Variants in DYNLL2 observed in about 807,000 individuals in gnomAD.
DYNLL2 encodes the protein dynein light chain 2, cytoplasmic.
Under a neutral mutation model 9.7 loss-of-function variants are expected in DYNLL2, and 1 was observed. That is an observed-to-expected ratio of 0.10 (90% CI 0.04 to 0.49). The LOEUF is 0.49. Among genes scored for constraint, DYNLL2 ranks in the 20% least tolerant of loss-of-function variants. The probability of loss-of-function intolerance (pLI) is 0.95; values close to 1 mark genes in which losing one functional copy is unlikely to be tolerated. For missense variants in DYNLL2, 37 were observed against 115.2 expected, an observed-to-expected ratio of 0.32 and a Z score of 3.11; for synonymous variants, 35 against 40.5, an observed-to-expected ratio of 0.86 and a Z score of 0.52.
At chr17:58,087,554 C>T (rs1321096715) in intron 2 of DYNLL2, among the ~76,000 whole-genome samples, 3 of 152,026 alleles carry the variant, frequency 2.0e-5, no homozygotes, top group African/African-American at 7.3e-5. Flanking sequence ...CAGAACTATT[C>T]AAAATTAAAA....
At chr17:58,084,546 A>C (rs1190392094) in intron 1 of DYNLL2, among the ~76,000 whole-genome samples, 1 of 152,116 alleles carries the variant, frequency 6.6e-6, no homozygotes, top group Non-Finnish European at 1.5e-5. Flanking sequence ...GGGAGGGGCT[A>C]GGCTGGACAC....
chr17:58,087,928 C>T (rs1209125712), intron 2 of DYNLL2, among the ~76,000 whole-genome samples: 1 of 152,140 alleles, frequency 6.6e-6, no homozygotes, highest in Non-Finnish European at 1.5e-5. Context: ...AGGCATAGTC[C>T]CAGCATTTGA....
intron 1 of DYNLL2, among the ~76,000 whole-genome samples, chr17:58,085,394 T>A (rs2075756021): frequency 6.6e-6 from 1 of 152,192 alleles, no homozygotes; most frequent in African/African-American, 2.4e-5. Flanking sequence ...CAAGGTGGCC[T>A]GGAATGATAC....
At chr17:58,085,331 T>G (rs758100764) in intron 1 of DYNLL2, among the ~76,000 whole-genome samples, 15 of 152,068 alleles carry the variant, frequency 9.9e-5, no homozygotes, top group Non-Finnish European at 1.8e-4. Flanking sequence ...TGGTGGTGAG[T>G]TCTGTTTTCC....
At chr17:58,087,673 C>T (rs1391132803) in intron 2 of DYNLL2, among the ~76,000 whole-genome samples, 1 of 152,092 alleles carries the variant, frequency 6.6e-6, no homozygotes, top group Non-Finnish European at 1.5e-5. Context: ...CTTTTCTTTT[C>T]CTTAAAAAGG....
chr17:58,092,900 T>C lies in DYNLL2; in HGVS notation c.*3621T>C, dbSNP rs1462331122. 1.3e-5 allele frequency: 2 copies of C among 152,380 alleles called. No individual in the cohort carries two copies. The highest frequency in any genetic ancestry group is 1.9e-4 in the East Asian group (1 of 5,190). The allele number at this position is 152,380 out of a possible 1,614,324, so 9.4% of individuals were successfully genotyped here. A position where few individuals can be genotyped will look rare whatever the true frequency, so the allele number is the denominator to read the frequency against. On this transcript the variant is annotated 3_prime_UTR_variant, in exon 3 of 3. Coordinates refer to ENST00000579991, the MANE Select transcript of DYNLL2 (RefSeq NM_080677.3). ...TTCAGTCTTTGCTCAAACATCCTTT[T>C]ATCAGAGAGGCTTTCTGACATCCTG...
At chr17:58,087,352 C>G (rs372132918) in intron 2 of DYNLL2, 130 bp downstream of exon 2, 17 of 1,310,900 alleles carry the variant, frequency 1.3e-5, no homozygotes, top group Non-Finnish European at 1.6e-5. Context: ...TAGGAACTTG[C>G]AAAGCAGACA....
intron 1 of DYNLL2, among the ~76,000 whole-genome samples, chr17:58,084,137 G>C (rs59422680): frequency 1.3e-5 from 2 of 151,978 alleles, no homozygotes; most frequent in Admixed American, 6.5e-5. Context: ...CAGGCCGGGT[G>C]GGGGAGGGCG....
In DYNLL2 at chr17:58,084,557, C is replaced by G. The variant is rs949951775; in HGVS notation, c.-10+874C>G. 4.1e-4 allele frequency among the ~76,000 whole-genome samples: 62 copies of G among 152,100 alleles called. 1 individual carries two copies. The highest frequency in any genetic ancestry group is 1.3e-4 in the Admixed American group (2 of 15,278). ...AGGAGGGAGGGGCTAGGCTGGACACCTTCCTGTGCTTTGCTTACCGGCACC... is the reference window on the plus strand; with the variant it reads ...AGGAGGGAGGGGCTAGGCTGGACACGTTCCTGTGCTTTGCTTACCGGCACC... On this transcript the variant is annotated intron_variant, in intron 1 of 2. Coordinates refer to ENST00000579991, the MANE Select transcript of DYNLL2 (RefSeq NM_080677.3).
Position 58,092,279 on chromosome 17 carries a change from C to T in DYNLL2, c.*3000C>T, listed in dbSNP as rs2075782891. On this transcript the variant is annotated 3_prime_UTR_variant, in exon 3 of 3. Transcript: ENST00000579991. Reference sequence around the variant, plus strand: ...AGTGAGGCCACAGTTCACATTTCATCAGGGATGAGTGTCTCCAGGGCCAAA... The same window carrying T: ...AGTGAGGCCACAGTTCACATTTCATTAGGGATGAGTGTCTCCAGGGCCAAA... The T allele has an allele frequency of 6.6e-6, 1 of 152,244 alleles. No individual in the cohort carries two copies. 9.4% of individuals were successfully genotyped at this position (152,244 alleles called of 1,614,324 possible). A position where few individuals can be genotyped will look rare whatever the true frequency, so the allele number is the denominator to read the frequency against.
rs775840589 is a variant in DYNLL2, at chr17:58,089,129, T to G, written c.133-13T>G. ...CCTAATTACCTTTCTTCTCTACCTT[T>G]GTTCTTTTTTAGGAATTTGACAAGA... On this transcript the variant is annotated splice_polypyrimidine_tract_variant and intron_variant, in intron 2 of 2. Coordinates refer to ENST00000579991, the MANE Select transcript of DYNLL2 (RefSeq NM_080677.3). 1.2e-6 allele frequency: 2 copies of G among 1,612,672 alleles called. No homozygotes were observed. The highest frequency in any genetic ancestry group is 1.7e-6 in the Non-Finnish European group (2 of 1,178,818).
Position 58,089,504 on chromosome 17 carries a change from C to T in DYNLL2, c.*225C>T, listed in dbSNP as rs2075772470. ...GCTGCTTTATGTTTATTTTTCAAGA[C>T]TTTAAAAATATTTTTTGGTTGTATT... On this transcript the variant is annotated 3_prime_UTR_variant, in exon 3 of 3. Transcript: ENST00000579991. 1 of 527,128 alleles carries T rather than the reference C, an allele frequency of 1.9e-6. No individual in the cohort carries two copies. The highest frequency in any genetic ancestry group is 3.2e-6 in the Non-Finnish European group (1 of 316,310). 32.7% of individuals were successfully genotyped at this position (527,128 alleles called of 1,614,324 possible).
Position 58,091,822 on chromosome 17 carries a change from T to A in DYNLL2, c.*2543T>A, listed in dbSNP as rs527730548. 5 of 152,164 alleles carry A rather than the reference T, an allele frequency of 3.3e-5. No individual in the cohort carries two copies. Among genetic ancestry groups the A allele is most frequent in the African/African-American group, 1.2e-4 (5 of 41,440 alleles). 9.4% of individuals were successfully genotyped at this position (152,164 alleles called of 1,614,324 possible). A position where few individuals can be genotyped will look rare whatever the true frequency, so the allele number is the denominator to read the frequency against. On this transcript the variant is annotated 3_prime_UTR_variant, in exon 3 of 3. Transcript: ENST00000579991. The stretch of plus-strand genomic sequence containing the variant: ...CACCATCGTGTGACTGCAATTCTCT[T>A]GGAGGTGTTAGGGAGCCAGAGGTGC...
rs1277379366 is a variant in DYNLL2 at position 58,086,990 on chromosome 17, T to C, written c.-9-92T>C. On this transcript the variant is annotated intron_variant, in intron 1 of 2. Coordinates refer to ENST00000579991, the MANE Select transcript of DYNLL2 (RefSeq NM_080677.3). ...TTTCTGTTGCCCTCACCTTCTATAC[T>C]CCCCTCTTGCACTGAGACCCCACAC... The C allele has an allele frequency of 6.7e-6, 10 of 1,485,592 alleles. No individual in the cohort carries two copies. The East Asian group carries it at 2.3e-4, about 34-fold the overall frequency. 92.0% of individuals were successfully genotyped at this position (1,485,592 alleles called of 1,614,324 possible).
At chr17:58,086,818 A>G (rs944126921) in intron 1 of DYNLL2, among the ~76,000 whole-genome samples, 6 of 152,228 alleles carry the variant, frequency 3.9e-5, no homozygotes, top group African/African-American at 7.2e-5. Context: ...GAATATCGGA[A>G]GTAAATTTTA....
Position 58,089,153 on chromosome 17 carries a change from G to A in DYNLL2, c.144G>A (p.Lys48=). 6.2e-7 allele frequency: 1 copy of A among 1,613,992 alleles called. No homozygotes were observed. The change falls in exon 3 of 3, where the codon AAG becomes AAA. Residue 48 remains lysine, a synonymous_variant. Coordinates refer to ENST00000579991, the MANE Select transcript of DYNLL2 (RefSeq NM_080677.3). ...IAAYIKKEFD[K]KYNPTWHCIV... is the part of the protein sequence containing the mutation. ...TTGTTCTTTTTTAGGAATTTGACAA[G>A]AAATATAACCCTACCTGGCATTGTA...
chr17:58,093,541 A>G lies in DYNLL2; in HGVS notation c.*4262A>G, dbSNP rs1227423682. 1 of 152,160 alleles carries G rather than the reference A, an allele frequency of 6.6e-6. No homozygotes were observed. The highest frequency in any genetic ancestry group is 6.5e-5 in the Admixed American group (1 of 15,280). 9.4% of individuals were successfully genotyped at this position (152,160 alleles called of 1,614,324 possible). A position where few individuals can be genotyped will look rare whatever the true frequency, so the allele number is the denominator to read the frequency against. ...CTAGAACTTAGCACTGTGATGCACA[A>G]AGGCTTAACTGGGTTTGGCAGCAAG... On this transcript the variant is annotated 3_prime_UTR_variant, in exon 3 of 3. Transcript: ENST00000579991.
Sources: allele counts gnomAD v4.1 joint callset (sites outside exome capture counted in the v4.1 genomes callset), GRCh38; gene constraint gnomAD v4.1.1; transcripts MANE v1.5; gene names NCBI Gene and HGNC (gene_info 2026-07-23, HGNC 2026-07-21).